Variants in TMEM92 observed in about 807,000 individuals in gnomAD.
The protein encoded by TMEM92 is transmembrane protein 92.
TMEM92 carries 15 observed loss-of-function variants against 14.6 expected under a neutral mutation model. That is an observed-to-expected ratio of 1.03 (90% CI 0.69 to 1.58). TMEM92 has a LOEUF of 1.58. Ranked by LOEUF, TMEM92 falls within the 40% of genes most tolerant of loss-of-function variation. TMEM92 has a pLI of 0.00. For missense variants in TMEM92, 174 were observed against 202.4 expected (o/e 0.86, Z 0.85); for synonymous variants, 85 against 83.3 (o/e 1.02, Z -0.11).
chr17:50,271,904 G>C (rs1354540862), upstream of TMEM92, among the ~76,000 whole-genome samples: 1 of 152,074 alleles, frequency 6.6e-6, no homozygotes, highest in Non-Finnish European at 1.5e-5. Context: ...GCTGGACATA[G>C]TGGCACATGC....
rs925802193 is a variant in TMEM92 at position 50,279,422 on chromosome 17, G to A, written c.*114G>A. 4 of 839,656 alleles carry A rather than the reference G, an allele frequency of 4.8e-6. No homozygotes were observed. Among genetic ancestry groups the A allele is most frequent in the African/African-American group, 1.7e-5 (1 of 57,938 alleles). The allele number at this position is 839,656 out of a possible 1,614,324, so 52.0% of individuals were successfully genotyped here. On this transcript the variant is annotated 3_prime_UTR_variant, in exon 5 of 5. Transcript: ENST00000507382. Reference sequence around the variant, plus strand: ...TCCCTGCCCATCCTGCCGTGTCTCTGTTCATTCTTGGATTTAACTTATTAC... The same window carrying A: ...TCCCTGCCCATCCTGCCGTGTCTCTATTCATTCTTGGATTTAACTTATTAC...
chr17:50,274,090 T>C (rs1910336926), upstream of TMEM92, among the ~76,000 whole-genome samples: 1 of 152,166 alleles, frequency 6.6e-6, no homozygotes, highest in Admixed American at 6.5e-5. Flanking sequence ...GCGATTCTCC[T>C]GCCTCAGGCT....
intron 1 of TMEM92, chr17:50,275,004 T>G: frequency 1.8e-5 from 3 of 165,586 alleles, no homozygotes; most frequent in Non-Finnish European, 3.9e-5. Context: ...TCTCTGCTTG[T>G]TCCCTAGGGG....
At position 50,281,445 on chromosome 17, in the gene TMEM92, A is replaced by G. The variant is rs1910617521; in HGVS notation, c.*2137A>G. On this transcript the variant is annotated 3_prime_UTR_variant, in exon 5 of 5. Transcript: ENST00000507382. Reference sequence around the variant, plus strand: ...ATTCATTGTGCCACCAGAGCTCCCTATGCAGCCTTTTAAAAGAATAAATAG... The same window carrying G: ...ATTCATTGTGCCACCAGAGCTCCCTGTGCAGCCTTTTAAAAGAATAAATAG... 1 of 152,350 alleles carries G rather than the reference A, an allele frequency of 6.6e-6. No homozygotes were observed. Among genetic ancestry groups the G allele is most frequent in the South Asian group, 2.1e-4 (1 of 4,830 alleles). 9.4% of individuals were successfully genotyped at this position (152,350 alleles called of 1,614,324 possible). A position where few individuals can be genotyped will look rare whatever the true frequency, so the allele number is the denominator to read the frequency against.
upstream of TMEM92, among the ~76,000 whole-genome samples, chr17:50,272,571 C>T (rs994428963): frequency 5.9e-5 from 9 of 152,134 alleles, no homozygotes; most frequent in African/African-American, 9.7e-5. Context: ...GGAGGGGAGA[C>T]GGCGGCCCCT....
chr17:50,278,705 G>A, intron 3 of TMEM92, 75 bp downstream of exon 3: 1 of 1,582,172 alleles, frequency 6.3e-7, no homozygotes, highest in Non-Finnish European at 8.6e-7. Flanking sequence ...CCAGGCACCT[G>A]CCGAGGGGGC....
chr17:50,278,830 T>C lies in TMEM92; in HGVS notation c.200T>C (p.Leu67Pro). ...TTCGTCATCATCTTCCTGGTCATCC[T>C]GTCCGTCTTTTGCATCTGTGGCCTG... ...RIFVIIFLVI[L>P]SVFCICGLAK... The change falls in exon 4 of 5, where the codon CTG becomes CCG. Residue 67 changes from leucine (L) to proline (P), a missense_variant. By Grantham distance (98) the Leu-to-Pro change is moderately conservative. Transcript: ENST00000507382. The C allele has an allele frequency of 1.2e-6, 2 of 1,613,220 alleles. No homozygotes were observed. The highest frequency in any genetic ancestry group is 1.7e-4 in the Middle Eastern group (1 of 6,054).
chr17:50,273,614 C>G (rs983854635), upstream of TMEM92, among the ~76,000 whole-genome samples: 1 of 152,244 alleles, frequency 6.6e-6, no homozygotes, highest in Admixed American at 6.5e-5. Flanking sequence ...AAGGTACCCA[C>G]GTTGTGCTCC....
chr17:50,274,136 G>A (rs1053089617), upstream of TMEM92, among the ~76,000 whole-genome samples: 3 of 145,652 alleles, frequency 2.1e-5, no homozygotes, highest in South Asian at 2.3e-4. Flanking sequence ...CCGCCACCAC[G>A]CCCGGCTAAA....
intron 1 of TMEM92, among the ~76,000 whole-genome samples, chr17:50,276,273 G>A (rs556569930): frequency 7.2e-5 from 11 of 152,148 alleles, no homozygotes; most frequent in Non-Finnish European, 1.0e-4. Context: ...ATGAGGCACC[G>A]CACCCAGCCT....
rs565269028 is a variant in TMEM92, at chr17:50,277,737, T to C, written c.92T>C (p.Ile31Thr). 2 of 1,613,908 alleles carry C rather than the reference T, an allele frequency of 1.2e-6. No homozygotes were observed. Among genetic ancestry groups the C allele is most frequent in the Non-Finnish European group, 1.7e-6 (2 of 1,179,916 alleles). Residue 31 changes from isoleucine (I) to threonine (T), a missense_variant, in exon 2 of 5, where the codon ATC (isoleucine) becomes ACC (threonine). By Grantham distance (89) the Ile-to-Thr change is moderately conservative (BLOSUM62 -1). Coordinates refer to ENST00000507382, the MANE Select transcript of TMEM92 (RefSeq NM_153229.3). ...PQKIAAKCGL[I>T]LACPKGFKCC... ...CAGATTGCAGCCAAATGTGGTCTCA[T>C]CCTGTAAGTCTAGAGGCCATAACTT...
chr17:50,272,136 G>A (rs1279329813), upstream of TMEM92, among the ~76,000 whole-genome samples: 2 of 152,022 alleles, frequency 1.3e-5, no homozygotes, highest in African/African-American at 2.4e-5. Flanking sequence ...CTAGATCTGG[G>A]TCAGGTTGAT....
Position 50,279,471 on chromosome 17 carries a change from C to G in TMEM92, c.*163C>G, listed in dbSNP as rs1385905385. Reference sequence around the variant, plus strand: ...ACTTTTTCTGCTTCTGTTTCCACCCCAGCTGCCTCTCTTGTCCTGAGGGTT... The same window carrying G: ...ACTTTTTCTGCTTCTGTTTCCACCCGAGCTGCCTCTCTTGTCCTGAGGGTT... On this transcript the variant is annotated 3_prime_UTR_variant, in exon 5 of 5. Coordinates refer to ENST00000507382, the MANE Select transcript of TMEM92 (RefSeq NM_153229.3). 1.6e-6 allele frequency: 1 copy of G among 635,574 alleles called. No homozygotes were observed. The highest frequency in any genetic ancestry group is 1.9e-5 in the African/African-American group (1 of 53,838). 39.4% of individuals were successfully genotyped at this position (635,574 alleles called of 1,614,324 possible).
chr17:50,278,761 G>GCCAC (rs1346438964), intron 3 of TMEM92, 40 bp from the exon 4 acceptor site: 8 of 1,571,276 alleles, frequency 5.1e-6, no homozygotes, highest in Non-Finnish European at 6.9e-6. Context: ...CCCCAGGGTG[G>GCCAC]CCTGGGGACT....
chr17:50,276,431 G>A (rs1156443946), intron 1 of TMEM92, among the ~76,000 whole-genome samples: 11 of 152,216 alleles, frequency 7.2e-5, no homozygotes, highest in African/African-American at 1.9e-4. Flanking sequence ...GGGACTGAGC[G>A]TGGAAAAGGG....
rs550278678 is a variant in TMEM92 at position 50,279,460 on chromosome 17, T to A, written c.*152T>A. On this transcript the variant is annotated 3_prime_UTR_variant, in exon 5 of 5. Transcript: ENST00000507382. ...TTTAACTTATTACTTTTTCTGCTTC[T>A]GTTTCCACCCCAGCTGCCTCTCTTG... The A allele has an allele frequency of 1.5e-6, 1 of 671,218 alleles. No individual in the cohort carries two copies. Among genetic ancestry groups the A allele is most frequent in the East Asian group, 2.9e-5 (1 of 34,780 alleles). 41.6% of individuals were successfully genotyped at this position (671,218 alleles called of 1,614,324 possible).
At chr17:50,275,492 G>A (rs1239874630) in intron 1 of TMEM92, among the ~76,000 whole-genome samples, 2 of 151,970 alleles carry the variant, frequency 1.3e-5, no homozygotes, top group Admixed American at 6.6e-5. Flanking sequence ...CAACCCCAGG[G>A]GCGAGGTGCT....
chr17:50,279,180 C>T lies in TMEM92; in HGVS notation c.367-15C>T, dbSNP rs1910532319. 6.2e-7 allele frequency: 1 copy of T among 1,611,852 alleles called. No individual in the cohort carries two copies. Among genetic ancestry groups the T allele is most frequent in the Non-Finnish European group, 8.5e-7 (1 of 1,177,922 alleles). On this transcript the variant is annotated splice_polypyrimidine_tract_variant and intron_variant, in intron 4 of 4. Transcript: ENST00000507382. ...GCCAGGGCCCAGAAGACTGAATTCTCTCTTTTCCCTGCAGGTGATTCTGAA... is the reference window on the plus strand; with the variant it reads ...GCCAGGGCCCAGAAGACTGAATTCTTTCTTTTCCCTGCAGGTGATTCTGAA...
intron 1 of TMEM92, among the ~76,000 whole-genome samples, chr17:50,276,429 G>C (rs1014602657): frequency 5.3e-5 from 8 of 152,204 alleles, no homozygotes; most frequent in African/African-American, 1.9e-4. Flanking sequence ...CTGGGACTGA[G>C]CGTGGAAAAG....
Sources: gnomAD v4.1 joint callset for allele counts (sites outside exome capture counted in the v4.1 genomes callset) on GRCh38, gnomAD v4.1.1 for gene constraint, MANE v1.5 for transcripts, NCBI Gene and HGNC (gene_info 2026-07-23, HGNC 2026-07-21) for gene names.